The following HDAC9 variants were observed in gnomAD, a reference collection of about 807,000 sequenced individuals.
HDAC9 encodes the protein histone deacetylase 9.
In HDAC9, 41 loss-of-function variants were observed where a neutral mutation model predicts 139.4. The ratio of observed to expected loss-of-function variants is 0.29; its 90% CI spans 0.23 to 0.38. The LOEUF (loss-of-function observed/expected upper bound fraction) is 0.38, where lower values mean the gene tolerates loss of function less well. HDAC9 is among the 10% of genes least tolerant of loss of function. HDAC9 has a pLI of 1.00. For missense variants in HDAC9, 1,147 were observed against 1,297.0 expected, an observed-to-expected ratio of 0.88 and a Z score of 1.78; for synonymous variants, 517 against 476.2, an observed-to-expected ratio of 1.09 and a Z score of -1.12.
At chr7:18,307,827 G>A (rs564751816) in intron 1 of HDAC9, among the ~76,000 whole-genome samples, 2 of 151,738 alleles carry the variant, frequency 1.3e-5, no homozygotes, top group East Asian at 3.9e-4. Flanking sequence ...TTGTAAAATT[G>A]AAAAAAATCG....
At chr7:18,829,806 A>G (rs1795726793) in intron 19 of HDAC9, among the ~76,000 whole-genome samples, 2 of 152,224 alleles carry the variant, frequency 1.3e-5, no homozygotes, top group South Asian at 2.1e-4. Flanking sequence ...CCTTAAATGA[A>G]TTGATACTTC....
rs191818516 is a variant in HDAC9, at chr7:18,725,925, G to A, written c.1732-1655G>A. On this transcript the variant is annotated intron_variant, in intron 12 of 25. Transcript: ENST00000686413. ...CCCTGACCAATCCATCCCAATCATC[G>A]AAGCGAATGCCCAAAGCCTCAATAT... is the stretch of plus-strand genomic sequence containing the variant. 9.2e-5 allele frequency among the ~76,000 whole-genome samples: 14 copies of A among 152,200 alleles called. No homozygotes were observed. In the East Asian group the frequency reaches 2.5e-3, roughly 27 times the overall value.
intron 1 of HDAC9, among the ~76,000 whole-genome samples, chr7:18,394,629 G>T (rs1318698202): frequency 6.6e-6 from 1 of 151,920 alleles, no homozygotes; most frequent in Non-Finnish European, 1.5e-5. Context: ...TCTGTGTGTG[G>T]AAAGTTTCAC....
At chr7:18,476,076 GA>G (rs1400750765) in intron 1 of HDAC9, among the ~76,000 whole-genome samples, 1 of 152,074 alleles carries the variant, frequency 6.6e-6, no homozygotes. Flanking sequence ...CCAATTTTTG[GA>G]AATCAAGACT....
chr7:18,192,724 G>A (rs1584557160), intron 2 of HDAC9, among the ~76,000 whole-genome samples: 1 of 152,270 alleles, frequency 6.6e-6, no homozygotes, highest in Admixed American at 6.5e-5. Context: ...TTAGTAGGTT[G>A]CAATTCAACA....
intron 1 of HDAC9, among the ~76,000 whole-genome samples, chr7:18,105,643 A>G (rs973614174): frequency 5.7e-4 from 86 of 151,392 alleles, no homozygotes; most frequent in African/African-American, 1.9e-3. Flanking sequence ...TGGTGTTGGT[A>G]TGAATGCAAA....
intron 22 of HDAC9, among the ~76,000 whole-genome samples, chr7:18,908,294 AT>A (rs1251558726): frequency 6.6e-6 from 1 of 152,150 alleles, no homozygotes; most frequent in Non-Finnish European, 1.5e-5. Flanking sequence ...ACAGAGTAAT[AT>A]TTTGATACAT....
At chr7:18,111,773 G>A (rs1398043033) in intron 1 of HDAC9, among the ~76,000 whole-genome samples, 1 of 152,198 alleles carries the variant, frequency 6.6e-6, no homozygotes. Flanking sequence ...TAATTTAAAG[G>A]TGTATGGAAA....
chr7:18,389,820 T>G (rs1786286489), intron 1 of HDAC9, among the ~76,000 whole-genome samples: 1 of 152,184 alleles, frequency 6.6e-6, no homozygotes, highest in African/African-American at 2.4e-5. Context: ...GAGATAACTA[T>G]TTTGATTTTC....
At chr7:18,340,672 T>C (rs1781935848) in intron 1 of HDAC9, among the ~76,000 whole-genome samples, 1 of 150,268 alleles carries the variant, frequency 6.7e-6, no homozygotes, top group Admixed American at 6.7e-5. Context: ...CCTATTGTGC[T>C]GTCATTGTCA....
chr7:18,732,931 A>ATGTGTATACACACGTG (rs1491192322), intron 13 of HDAC9, among the ~76,000 whole-genome samples: 1 of 74,728 alleles, frequency 1.3e-5, no homozygotes, highest in African/African-American at 5.5e-5. Flanking sequence ...ACACGTGTGT[A>ATGTGTATACACACGTG]TGTATGTGTA....
chr7:18,880,616 CAG>C (rs956230415), intron 22 of HDAC9, among the ~76,000 whole-genome samples: 54 of 152,022 alleles, frequency 3.6e-4, no homozygotes, highest in African/African-American at 1.2e-3. Context: ...CTTCTGAACA[CAG>C]AGAAGGAAAT....
intron 2 of HDAC9, among the ~76,000 whole-genome samples, chr7:18,243,387 T>C (rs561624459): frequency 1.3e-5 from 2 of 152,358 alleles, no homozygotes; most frequent in African/African-American, 4.8e-5. Flanking sequence ...GAATGATCCA[T>C]GTTTTGCCAA....
chr7:18,183,471 G>A (rs2128142886), intron 2 of HDAC9, among the ~76,000 whole-genome samples: 1 of 152,282 alleles, frequency 6.6e-6, no homozygotes, highest in Middle Eastern at 3.4e-3. Flanking sequence ...TTTGCTGCCT[G>A]TTTTTGTGAC....
chr7:18,444,270 A>G (rs534663406), intron 1 of HDAC9, among the ~76,000 whole-genome samples: 66 of 147,700 alleles, frequency 4.5e-4, no homozygotes, highest in Non-Finnish European at 8.3e-4. Flanking sequence ...ACCTGGGAGA[A>G]GGAGGTTGCA....
chr7:18,686,140 T>A (rs1336185461), intron 12 of HDAC9, among the ~76,000 whole-genome samples: 1 of 151,952 alleles, frequency 6.6e-6, no homozygotes, highest in Non-Finnish European at 1.5e-5. Flanking sequence ...CTCAGTCAAT[T>A]TGTGGTGATA....
At chr7:18,281,455 C>A (rs1308014582) in intron 2 of HDAC9, among the ~76,000 whole-genome samples, 1 of 152,170 alleles carries the variant, frequency 6.6e-6, no homozygotes, top group Non-Finnish European at 1.5e-5. Context: ...ATGATCAAAA[C>A]TGAGGACCTG....
chr7:18,802,686 T>C (rs1210043405), intron 17 of HDAC9, among the ~76,000 whole-genome samples: 2 of 151,812 alleles, frequency 1.3e-5, no homozygotes, highest in Admixed American at 6.6e-5. Context: ...AAAAACTCTG[T>C]TATTAGGTAC....
At chr7:18,268,293 A>G (rs1399157183) in intron 2 of HDAC9, among the ~76,000 whole-genome samples, 2 of 152,182 alleles carry the variant, frequency 1.3e-5, no homozygotes, top group Non-Finnish European at 2.9e-5. Context: ...GTCGATACAT[A>G]CATTGCTTGA....
Sources: allele counts gnomAD v4.1 joint callset (sites outside exome capture counted in the v4.1 genomes callset), GRCh38; gene constraint gnomAD v4.1.1; transcripts MANE v1.5; gene names NCBI Gene and HGNC (gene_info 2026-07-23, HGNC 2026-07-21).